Variants in AUTS2 observed in about 807,000 individuals in gnomAD.
AUTS2 encodes the protein activator of transcription and developmental regulator AUTS2, also known as autism susceptibility gene 2 protein.
A neutral mutation model predicts 112.4 loss-of-function variants in AUTS2; 17 were observed. That is an observed-to-expected ratio of 0.15 (90% confidence interval 0.10 to 0.23). The LOEUF (loss-of-function observed/expected upper bound fraction) is 0.23. AUTS2 is among the 10% of genes least tolerant of loss of function. The probability of loss-of-function intolerance (pLI) is 1.00; values close to 1 mark genes in which losing one functional copy is unlikely to be tolerated. For synonymous variants in AUTS2, 751 were observed against 702.7 expected, an observed-to-expected ratio of 1.07 and a Z score of -1.09; for missense variants, 1,510 against 1,701.6, an observed-to-expected ratio of 0.89 and a Z score of 1.98.
At chr7:69,627,042 A>G (rs923445189) in intron 1 of AUTS2, among the ~76,000 whole-genome samples, 1 of 152,258 alleles carries the variant, frequency 6.6e-6, no homozygotes, top group African/African-American at 2.4e-5. Context: ...GTCTTCTTGA[A>G]TGATAAGATG....
intron 2 of AUTS2, among the ~76,000 whole-genome samples, chr7:70,040,417 A>G (rs749563444): frequency 2.0e-5 from 3 of 152,220 alleles, no homozygotes; most frequent in South Asian, 2.1e-4. Context: ...GCACAAGTAA[A>G]TCATACTAAG....
At chr7:70,747,653 T>A (rs1034005465) in intron 6 of AUTS2, among the ~76,000 whole-genome samples, 3 of 152,030 alleles carry the variant, frequency 2.0e-5, no homozygotes, top group Non-Finnish European at 2.9e-5. Flanking sequence ...TTTTTGTTTT[T>A]GTTTTTGTTT....
chr7:70,452,346 C>G (rs1796569000), intron 5 of AUTS2, among the ~76,000 whole-genome samples: 1 of 152,088 alleles, frequency 6.6e-6, no homozygotes, highest in South Asian at 2.1e-4. Flanking sequence ...GTAGTCCCAG[C>G]TAATTGGGAG....
At chr7:69,788,894 C>T (rs947973379) in intron 1 of AUTS2, among the ~76,000 whole-genome samples, 10 of 152,010 alleles carry the variant, frequency 6.6e-5, no homozygotes, top group East Asian at 3.9e-4. Flanking sequence ...TCAGCTCTGA[C>T]GCGTCTAGCA....
intron 5 of AUTS2, among the ~76,000 whole-genome samples, chr7:70,457,978 C>T (rs919280970): frequency 2.8e-4 from 43 of 152,258 alleles, no homozygotes; most frequent in African/African-American, 9.4e-4. Flanking sequence ...TCAGGCCACA[C>T]GCCTCCCATT....
intron 4 of AUTS2, among the ~76,000 whole-genome samples, chr7:70,264,616 T>C (rs1461055682): frequency 6.6e-6 from 1 of 152,234 alleles, no homozygotes; most frequent in African/African-American, 2.4e-5. Flanking sequence ...TTTCTTTGTA[T>C]TAATTTTTTG....
intron 2 of AUTS2, among the ~76,000 whole-genome samples, chr7:70,095,513 A>G (rs780759551): frequency 3.9e-5 from 6 of 152,144 alleles, no homozygotes; most frequent in Non-Finnish European, 5.9e-5. Flanking sequence ...TCTGTTATTC[A>G]TGAATATGTA....
At chr7:70,614,105 G>T (rs1164232110) in intron 5 of AUTS2, among the ~76,000 whole-genome samples, 1 of 152,180 alleles carries the variant, frequency 6.6e-6, no homozygotes, top group Non-Finnish European at 1.5e-5. Flanking sequence ...GATGAGACTG[G>T]CTGGCTAATC....
chr7:70,088,704 C>G (rs1224180002), intron 2 of AUTS2, among the ~76,000 whole-genome samples: 1 of 151,554 alleles, frequency 6.6e-6, no homozygotes, highest in Non-Finnish European at 1.5e-5. Context: ...CCTCCGCCTC[C>G]CAGGTTCAAG....
Position 70,302,413 on chromosome 7 carries a change from C to A in AUTS2, c.661-133339C>A, listed in dbSNP as rs9769846. On this transcript the variant is annotated intron_variant, in intron 4 of 18. Transcript: ENST00000342771. ...GCAAGACCTTGTCTCAAAAAAAAAA[C>A]AATGTAGTGAGTCATAGTTATACTA... Among the ~76,000 whole-genome samples, 192 of 75,442 alleles carry A rather than the reference C, an allele frequency of 2.5e-3. 1 individual carries two copies. The highest frequency in any genetic ancestry group is 9.0e-3 in the African/African-American group (146 of 16,134). The allele number at this position is 75,442 out of a possible 152,430, so 49.5% of individuals were successfully genotyped here.
intron 1 of AUTS2, among the ~76,000 whole-genome samples, chr7:69,730,250 G>A (rs566181679): frequency 2.6e-5 from 4 of 151,566 alleles, no homozygotes; most frequent in African/African-American, 4.8e-5. Flanking sequence ...AATATTTGTC[G>A]TACCTTTTCC....
intron 15 of AUTS2, chr7:70,784,590 G>T: frequency 4.9e-6 from 1 of 205,998 alleles, no homozygotes; most frequent in Non-Finnish European, 9.6e-6. Flanking sequence ...AAATTTACTT[G>T]GTTATAAAGC....
chr7:69,756,818 G>A (rs375041687), intron 1 of AUTS2, among the ~76,000 whole-genome samples: 29 of 152,226 alleles, frequency 1.9e-4, no homozygotes, highest in African/African-American at 6.3e-4. Flanking sequence ...TTACCTGTTT[G>A]TAGCGTTGGT....
At chr7:70,479,166 C>A (rs1404851490) in intron 5 of AUTS2, among the ~76,000 whole-genome samples, 1 of 151,980 alleles carries the variant, frequency 6.6e-6, no homozygotes. Context: ...CACTGTTAAC[C>A]CTAGTGTGGA....
chr7:70,123,620 A>C (rs1805805007), intron 3 of AUTS2, among the ~76,000 whole-genome samples: 1 of 152,288 alleles, frequency 6.6e-6, no homozygotes, highest in East Asian at 1.9e-4. Context: ...CTGTTCCTAC[A>C]TTAGTTTGCT....
chr7:70,573,923 C>G (rs1802052326), intron 5 of AUTS2, among the ~76,000 whole-genome samples: 1 of 152,118 alleles, frequency 6.6e-6, no homozygotes, highest in African/African-American at 2.4e-5. Flanking sequence ...GTGCATCATC[C>G]AGATCTTGCT....
intron 1 of AUTS2, among the ~76,000 whole-genome samples, chr7:69,857,509 A>G (rs778025594): frequency 2.6e-5 from 4 of 152,260 alleles, no homozygotes; most frequent in African/African-American, 7.2e-5. Flanking sequence ...TATAATTGCT[A>G]TAATTGCTTC....
chr7:70,580,159 G>T (rs1802367190), intron 5 of AUTS2, among the ~76,000 whole-genome samples: 1 of 152,148 alleles, frequency 6.6e-6, no homozygotes, highest in Non-Finnish European at 1.5e-5. Context: ...GTAGCCCAGT[G>T]CCAATTAGAG....
rs763424098 is a variant in AUTS2, at chr7:69,891,774, C to CTTTTTTTTTTTTTTTTTTTTTTTTTT, written c.310-7500_310-7475dup. The stretch of plus-strand genomic sequence containing the variant: ...ATTCATTCACTTTCCAGACAGATAT[C>CTTTTTTTTTTTTTTTTTTTTTTTTTT]TTTTTTTTTTTTTTTTTTTTTTTTT... On this transcript the variant is annotated intron_variant, in intron 1 of 18. Transcript: ENST00000342771. Among the ~76,000 whole-genome samples, 6 of 26,736 alleles carry CTTTTTTTTTTTTTTTTTTTTTTTTTT rather than the reference C, an allele frequency of 2.2e-4. 3 individuals carry two copies. The highest frequency in any genetic ancestry group is 1.3e-3 in the Admixed American group (2 of 1,512). The allele number at this position is 26,736 out of a possible 152,430, so 17.5% of individuals were successfully genotyped here.
Sources: gnomAD v4.1 joint callset for allele counts (sites outside exome capture counted in the v4.1 genomes callset) on GRCh38, gnomAD v4.1.1 for gene constraint, MANE v1.5 for transcripts, NCBI Gene and HGNC (gene_info 2026-07-23, HGNC 2026-07-21) for gene names.